The following ST14 variants were observed in gnomAD, a reference collection of about 807,000 sequenced individuals.
The protein encoded by ST14 is suppressor of tumorigenicity 14 protein.
A neutral mutation model predicts 96.5 loss-of-function variants in ST14; 40 were observed. The ratio of observed to expected loss-of-function variants is 0.41; its 90% confidence interval spans 0.32 to 0.54. ST14 has a LOEUF of 0.54. Among genes scored for constraint, ST14 ranks in the 20% least tolerant of loss-of-function variants. The probability of loss-of-function intolerance (pLI) is 0.17; values close to 1 mark genes in which losing one functional copy is unlikely to be tolerated. For synonymous variants in ST14, 506 were observed against 492.1 expected (o/e 1.03, Z -0.37); for missense variants, 1,066 against 1,188.9 (o/e 0.90, Z 1.52).
chr11:130,209,588 G>C lies in ST14; in HGVS notation c.2406+10G>C. On this transcript the variant is annotated intron_variant, in intron 18 of 18. Transcript: ENST00000278742. Reference sequence around the variant, plus strand: ...CGTGGACTCCTGCCAGGTGGCCCCCGGGGCAGGAGGGCGGCAGGTGGGCCC... The same window carrying C: ...CGTGGACTCCTGCCAGGTGGCCCCCCGGGCAGGAGGGCGGCAGGTGGGCCC... 7 of 1,581,142 alleles carry C rather than the reference G, an allele frequency of 4.4e-6. No homozygotes were observed. The highest frequency in any genetic ancestry group is 6.0e-6 in the Non-Finnish European group (7 of 1,163,906).
Position 130,209,980 on chromosome 11 carries a change from A to C in ST14, c.*157A>C. ...CCAGGGCTCCAAATCTGCCTAGAAAACCTCTCGCTTCCTCAGCCTCCAAAG... is the reference window on the plus strand; with the variant it reads ...CCAGGGCTCCAAATCTGCCTAGAAACCCTCTCGCTTCCTCAGCCTCCAAAG... On this transcript the variant is annotated 3_prime_UTR_variant, in exon 19 of 19. Transcript: ENST00000278742. The C allele has an allele frequency of 7.8e-6, 7 of 894,366 alleles. No homozygotes were observed. The highest frequency in any genetic ancestry group is 3.7e-5 in the South Asian group (2 of 53,668). 55.4% of individuals were successfully genotyped at this position (894,366 alleles called of 1,614,324 possible). A position where few individuals can be genotyped will look rare whatever the true frequency, so the allele number is the denominator to read the frequency against.
At position 130,188,921 on chromosome 11, in the gene ST14, C is replaced by T. The variant is rs1301851594; in HGVS notation, c.422C>T (p.Ser141Leu). The stretch of plus-strand genomic sequence containing the variant: ...TTCCTGGGCCCCTACCACAAGGAGT[C>T]GGCTGTGACGGCCTTCAGGTGGGTG... ...VPFLGPYHKE[S>L]AVTAFSEGSV... Residue 141 changes from serine to leucine, a missense_variant, in exon 4 of 19, where the codon TCG becomes TTG. Coordinates refer to ENST00000278742, the MANE Select transcript of ST14 (RefSeq NM_021978.4). This position sits in a 1 kb window ranked among gnomAD's most constrained non-coding sequence, Gnocchi z 5.4. The T allele has an allele frequency of 3.1e-6, 5 of 1,611,066 alleles. No homozygotes were observed. The highest frequency in any genetic ancestry group is 2.5e-6 in the Non-Finnish European group (3 of 1,178,986).
chr11:130,191,820 A>G (rs1163695898), intron 7 of ST14, among the ~76,000 whole-genome samples: 2 of 152,086 alleles, frequency 1.3e-5, no homozygotes, highest in Non-Finnish European at 1.5e-5. Flanking sequence ...AGCTGTCCCT[A>G]GTTCTCTGAT....
intron 1 of ST14, among the ~76,000 whole-genome samples, chr11:130,186,605 A>G (rs989504927): frequency 3.9e-5 from 6 of 152,236 alleles, no homozygotes; most frequent in African/African-American, 1.4e-4. Context: ...CACAGCAGGA[A>G]AAACAAAGAC....
chr11:130,202,303 T>C (rs1396789402), intron 16 of ST14, among the ~76,000 whole-genome samples: 1 of 152,232 alleles, frequency 6.6e-6, no homozygotes, highest in African/African-American at 2.4e-5. Flanking sequence ...CCCTGGTTAC[T>C]ATTGACACTA....
intron 4 of ST14, 116 bp from the exon 5 acceptor site, chr11:130,189,623 T>A (rs772189143): frequency 7.3e-7 from 1 of 1,373,804 alleles, no homozygotes; most frequent in Non-Finnish European, 1.0e-6. Context: ...GAAGGGCCTC[T>A]GCAGATGGCA....
rs944726635 is a variant in ST14 at position 130,209,986 on chromosome 11, C to G, written c.*163C>G. ...CTCCAAATCTGCCTAGAAAACCTCT[C>G]GCTTCCTCAGCCTCCAAAGTGGAGC... On this transcript the variant is annotated 3_prime_UTR_variant, in exon 19 of 19. Coordinates refer to ENST00000278742, the MANE Select transcript of ST14 (RefSeq NM_021978.4). 3.2e-5 allele frequency: 28 copies of G among 870,164 alleles called. No individual in the cohort carries two copies. The Admixed American group carries it at 4.3e-4, about 13-fold the overall frequency. 53.9% of individuals were successfully genotyped at this position (870,164 alleles called of 1,614,324 possible).
intron 1 of ST14, among the ~76,000 whole-genome samples, chr11:130,161,882 G>A (rs759632953): frequency 6.6e-6 from 1 of 152,226 alleles, no homozygotes; most frequent in Non-Finnish European, 1.5e-5. Context: ...GCGAAACTAA[G>A]AGACGAATGC....
rs755121445 is a variant in ST14, at chr11:130,208,530, C to T, written c.2115C>T (p.Asp705=). 13 of 1,614,130 alleles carry T rather than the reference C, an allele frequency of 8.1e-6. No homozygotes were observed. The highest frequency in any genetic ancestry group is 1.1e-5 in the Non-Finnish European group (13 of 1,180,052). The change falls in exon 17 of 19, where the codon GAC becomes GAT. Residue 705 remains aspartate (D), a synonymous_variant. Transcript: ENST00000278742. The part of the protein sequence containing the change: ...KRIISHPFFN[D]FTFDYDIALL... The stretch of plus-strand genomic sequence containing the variant: ...TCATCTCCCACCCCTTCTTCAATGA[C>T]TTCACCTTCGACTATGACATCGCGC...
chr11:130,162,601 A>G (rs961321942), intron 1 of ST14, among the ~76,000 whole-genome samples: 2 of 152,098 alleles, frequency 1.3e-5, no homozygotes, highest in African/African-American at 4.8e-5. Context: ...TAATTTGTCA[A>G]CCATTCAGGC....
chr11:130,170,775 C>T (rs544362758), intron 1 of ST14, among the ~76,000 whole-genome samples: 2 of 152,140 alleles, frequency 1.3e-5, no homozygotes, highest in African/African-American at 4.8e-5. Flanking sequence ...GACCCATATA[C>T]AGTGGTGGGC....
intron 1 of ST14, among the ~76,000 whole-genome samples, chr11:130,167,294 T>TA (rs899608288): frequency 6.6e-6 from 1 of 152,248 alleles, no homozygotes; most frequent in Non-Finnish European, 1.5e-5. Flanking sequence ...GCATGTTTTC[T>TA]AAAAAAATTT....
chr11:130,182,504 GTCTT>G (rs898418354), intron 1 of ST14, among the ~76,000 whole-genome samples: 14 of 151,844 alleles, frequency 9.2e-5, no homozygotes, highest in Non-Finnish European at 1.6e-4. Context: ...TTGTATTTCT[GTCTT>G]TCTTATCATT....
chr11:130,163,845 A>C (rs2136200378), intron 1 of ST14, among the ~76,000 whole-genome samples: 1 of 152,344 alleles, frequency 6.6e-6, no homozygotes, highest in East Asian at 1.9e-4. Flanking sequence ...GCCTGCTAGC[A>C]GTGGAAATGG....
intron 14 of ST14, 40 bp downstream of exon 14, chr11:130,198,661 C>G: frequency 6.4e-7 from 1 of 1,571,346 alleles, no homozygotes; most frequent in Non-Finnish European, 8.7e-7. Context: ...GGGGGCCTCG[C>G]CCCTGGAGGA....
chr11:130,189,893 T>C lies in ST14; in HGVS notation c.595T>C (p.Phe199Leu). ...KSFVVTSVVA[F>L]PTDSKTVQRT... ...CTTTGTGGTCACCTCAGTGGTGGCT[T>C]TCCGTGAGTCCGAGGGCCAGGGGTG... Residue 199 changes from phenylalanine (F) to leucine (L), a missense_variant, in exon 5 of 19, where the codon TTC becomes CTC. Coordinates refer to ENST00000278742, the MANE Select transcript of ST14 (RefSeq NM_021978.4). The C allele has an allele frequency of 6.2e-7, 1 of 1,613,628 alleles. No individual in the cohort carries two copies. The highest frequency in any genetic ancestry group is 8.5e-7 in the Non-Finnish European group (1 of 1,179,912).
At chr11:130,175,465 C>T (rs966054827) in intron 1 of ST14, among the ~76,000 whole-genome samples, 4 of 151,942 alleles carry the variant, frequency 2.6e-5, no homozygotes, top group Admixed American at 6.6e-5. Flanking sequence ...TCCCAACCTC[C>T]GTCTCCCAGG....
At chr11:130,162,138 T>A (rs1953003134) in intron 1 of ST14, among the ~76,000 whole-genome samples, 1 of 152,196 alleles carries the variant, frequency 6.6e-6, no homozygotes, top group Non-Finnish European at 1.5e-5. Flanking sequence ...TTGTCCCCAG[T>A]TGCATCCATC....
intron 1 of ST14, among the ~76,000 whole-genome samples, chr11:130,166,666 G>C (rs1249804848): frequency 6.6e-6 from 1 of 152,124 alleles, no homozygotes; most frequent in African/African-American, 2.4e-5. Context: ...GAATGCATCC[G>C]TCTGGGTCAG....
Sources: gnomAD v4.1 joint callset for allele counts (sites outside exome capture counted in the v4.1 genomes callset) on GRCh38, gnomAD v4.1.1 for gene constraint, Gnocchi (gnomAD v3.1) non-coding constraint, MANE v1.5 for transcripts, NCBI Gene and HGNC (gene_info 2026-07-23, HGNC 2026-07-21) for gene names.